The following TLE4 variants were observed in gnomAD, a reference collection of about 807,000 sequenced individuals.
TLE4 encodes the protein transducin-like enhancer protein 4.
A neutral mutation model predicts 92.8 loss-of-function variants in TLE4; 8 were observed. The ratio of observed to expected loss-of-function variants is 0.09; its 90% CI spans 0.05 to 0.16. TLE4 has a LOEUF of 0.16. Ranked by LOEUF, TLE4 falls within the 10% of genes least tolerant of loss-of-function variation. The pLI, the probability that TLE4 is intolerant of heterozygous loss-of-function variation, is 1.00. For synonymous variants in TLE4, 371 were observed against 374.1 expected (o/e 0.99, Z 0.10); for missense variants, 675 against 997.6 (o/e 0.68, Z 4.36).
intron 6 of TLE4, among the ~76,000 whole-genome samples, chr9:79,641,923 A>G (rs1473305943): frequency 1.3e-5 from 2 of 151,968 alleles, no homozygotes; most frequent in Non-Finnish European, 2.9e-5. Context: ...GTGTACAGTG[A>G]AGTCTATTTA....
intron 8 of TLE4, among the ~76,000 whole-genome samples, chr9:79,675,047 T>C (rs1381650367): frequency 6.6e-6 from 1 of 151,986 alleles, no homozygotes; most frequent in Non-Finnish European, 1.5e-5. Flanking sequence ...GTTTGGTTGG[T>C]TTTTTTTATA....
intron 4 of TLE4, among the ~76,000 whole-genome samples, chr9:79,607,285 T>G (rs1198091113): frequency 1.3e-5 from 2 of 152,202 alleles, no homozygotes; most frequent in Non-Finnish European, 2.9e-5. Flanking sequence ...TTTTGTCAGG[T>G]GGGTAGATTG....
At chr9:79,684,695 G>T (rs1257433238) in intron 8 of TLE4, among the ~76,000 whole-genome samples, 1 of 152,164 alleles carries the variant, frequency 6.6e-6, no homozygotes, top group African/African-American at 2.4e-5. Context: ...CAGCTCAACT[G>T]ACCAGGCTCT....
At chr9:79,595,849 CTTT>C (rs746656900) in intron 4 of TLE4, among the ~76,000 whole-genome samples, 1 of 138,578 alleles carries the variant, frequency 7.2e-6, no homozygotes. Flanking sequence ...TTGCCATCTA[CTTT>C]TTTTTTTTTT....
intron 6 of TLE4, among the ~76,000 whole-genome samples, chr9:79,631,662 G>T (rs955238362): frequency 1.4e-5 from 2 of 145,772 alleles, no homozygotes; most frequent in Non-Finnish European, 3.0e-5. Context: ...GTGTGTGTGT[G>T]TTTTCTACAT....
At chr9:79,718,083 G>A (rs1321846151) in intron 14 of TLE4, 1 of 456,482 alleles carries the variant, frequency 2.2e-6, no homozygotes, top group East Asian at 6.9e-5. Context: ...TAGGCCTTTG[G>A]GGCTGTCAGG....
intron 4 of TLE4, among the ~76,000 whole-genome samples, chr9:79,578,942 C>CA (rs11322127): frequency 0.11 from 11,407 of 101,098 alleles, 468 homozygotes; most frequent in Non-Finnish European, 0.13. Flanking sequence ...GCAGATGAAG[C>CA]AAAAAAAAAA....
chr9:79,607,176 C>T (rs372120832), intron 4 of TLE4, among the ~76,000 whole-genome samples: 11 of 152,002 alleles, frequency 7.2e-5, no homozygotes, highest in Admixed American at 2.0e-4. Flanking sequence ...TCTTCTTTTG[C>T]GAAGTGTCTG....
chr9:79,708,094 G>A (rs1448774980), intron 11 of TLE4, 24 bp from the exon 12 acceptor site: 3 of 1,610,926 alleles, frequency 1.9e-6, no homozygotes, highest in Non-Finnish European at 2.5e-6. Flanking sequence ...CTAATTGCTG[G>A]TATATGTCAT....
intron 4 of TLE4, among the ~76,000 whole-genome samples, chr9:79,585,041 T>C (rs1162020065): frequency 1.3e-5 from 2 of 152,226 alleles, no homozygotes; most frequent in African/African-American, 4.8e-5. Context: ...ATATTGTGTG[T>C]TTAGCTAACT....
intron 4 of TLE4, among the ~76,000 whole-genome samples, chr9:79,594,853 T>TTC (rs1381039414): frequency 6.6e-6 from 1 of 152,238 alleles, no homozygotes; most frequent in Non-Finnish European, 1.5e-5. Flanking sequence ...TTATTAAGCG[T>TTC]AAGTTTAAGG....
rs76309541 is a variant in TLE4, at chr9:79,582,905, A to G, written c.252+6728A>G. 3.0e-3 allele frequency among the ~76,000 whole-genome samples: 463 copies of G among 152,272 alleles called. 7 individuals carry two copies. The East Asian group carries it at 0.045, about 15-fold the overall frequency. ...AAGCAGGGGGGCAGCACATTTACGC[A>G]TGGGCAATGGAGTATTTACACTGAT... On this transcript the variant is annotated intron_variant, in intron 4 of 19. Transcript: ENST00000376552.
At chr9:79,705,117 G>A (rs1318696529) in intron 9 of TLE4, among the ~76,000 whole-genome samples, 1 of 152,242 alleles carries the variant, frequency 6.6e-6, no homozygotes, top group Admixed American at 6.5e-5. Flanking sequence ...TCATTGGGCA[G>A]CTAACAGAAG....
intron 6 of TLE4, chr9:79,649,900 T>C (rs1564638377): frequency 7.5e-7 from 1 of 1,341,962 alleles, no homozygotes; most frequent in East Asian, 4.6e-5. Context: ...TTGTTGTTGT[T>C]GTTTTTTTGT....
At chr9:79,605,150 A>C (rs2046509399) in intron 4 of TLE4, among the ~76,000 whole-genome samples, 1 of 152,112 alleles carries the variant, frequency 6.6e-6, no homozygotes, top group South Asian at 2.1e-4. Flanking sequence ...TAATCAGAGT[A>C]ATCAGGTTCT....
At chr9:79,668,890 T>C (rs1400140294) in intron 8 of TLE4, 2 of 933,744 alleles carry the variant, frequency 2.1e-6, no homozygotes, top group Non-Finnish European at 2.6e-6. Flanking sequence ...ATGTCAACAA[T>C]GTAGCTGCAG....
chr9:79,638,905 C>T (rs2056557417), intron 6 of TLE4, among the ~76,000 whole-genome samples: 1 of 152,074 alleles, frequency 6.6e-6, no homozygotes, highest in Non-Finnish European at 1.5e-5. Flanking sequence ...GTTGGTTCTC[C>T]CTTGCAGGCA....
At chr9:79,582,011 A>G (rs781744111) in intron 4 of TLE4, among the ~76,000 whole-genome samples, 19 of 152,092 alleles carry the variant, frequency 1.2e-4, no homozygotes, top group Non-Finnish European at 2.2e-4. Context: ...TAGGCAACCT[A>G]TTTCTCATTT....
intron 4 of TLE4, chr9:79,601,622 G>T (rs2045688129): frequency 2.7e-6 from 1 of 373,754 alleles, no homozygotes. Flanking sequence ...CGTGAACTGT[G>T]CCCCCATCAG....
Sources: gnomAD v4.1 joint callset for allele counts (sites outside exome capture counted in the v4.1 genomes callset) on GRCh38, gnomAD v4.1.1 for gene constraint, MANE v1.5 for transcripts, NCBI Gene and HGNC (gene_info 2026-07-23, HGNC 2026-07-21) for gene names.